AGBL2: variants seen among roughly 807,000 people sequenced by gnomAD.
The protein encoded by AGBL2 is cytosolic carboxypeptidase 2.
Under a neutral mutation model 103.0 loss-of-function variants are expected in AGBL2, and 87 were observed. That is an observed-to-expected ratio of 0.84 (90% CI 0.71 to 1.01). The LOEUF is 1.01. AGBL2 is among the 50% of genes least tolerant of loss of function. The pLI is 0.00. For synonymous variants in AGBL2, 335 were observed against 356.7 expected (o/e 0.94, Z 0.69); for missense variants, 904 against 1,023.5 (o/e 0.88, Z 1.59).
intron 8 of AGBL2, among the ~76,000 whole-genome samples, chr11:47,698,432 AAAGTGCTGGGATT>A (rs2097485438): frequency 6.6e-6 from 1 of 152,190 alleles, no homozygotes; most frequent in Non-Finnish European, 1.5e-5. Flanking sequence ...TCGGCCTCCC[AAAGTGCTGGGATT>A]ATAGGCGTGA....
Position 47,682,026 on chromosome 11 carries a change from G to A in AGBL2, c.1858C>T (p.Arg620Trp), listed in dbSNP as rs150240657. ...KEGTGRVVMW[R>W]MGILNSYTME... Reference sequence around the variant, plus strand: ...GTGTAGCTGTTTAGGATTCCCATCCGCCACATAACAACTCGTCCTGTTCCT... The same window carrying A: ...GTGTAGCTGTTTAGGATTCCCATCCACCACATAACAACTCGTCCTGTTCCT... The change falls in exon 12 of 19, where the codon CGG (arginine) becomes TGG (tryptophan). Residue 620 changes from arginine (R) to tryptophan (W), a missense_variant. Transcript: ENST00000525123. 108 of 1,614,072 alleles carry A rather than the reference G, an allele frequency of 6.7e-5. No homozygotes were observed. In the African/African-American group the frequency reaches 1.0e-3, roughly 16 times the overall value.
At chr11:47,707,892 T>G (rs1012963620) in intron 4 of AGBL2, among the ~76,000 whole-genome samples, 3 of 152,094 alleles carry the variant, frequency 2.0e-5, no homozygotes, top group Non-Finnish European at 4.4e-5. Flanking sequence ...TTCATGTCTT[T>G]TACTCATTTT....
intron 14 of AGBL2, among the ~76,000 whole-genome samples, chr11:47,675,044 A>T (rs12365079): frequency 0.22 from 33,462 of 151,284 alleles, 4,714 homozygotes; most frequent in South Asian, 0.46. Flanking sequence ...TAGGTTTTTT[A>T]AAAAATCACT....
chr11:47,713,020 C>T (rs1017963959), intron 3 of AGBL2, among the ~76,000 whole-genome samples: 20 of 150,946 alleles, frequency 1.3e-4, no homozygotes, highest in African/African-American at 4.9e-4. Context: ...CCAGCCTGGG[C>T]AACAAGAGCA....
chr11:47,681,011 T>C (rs1045095790), intron 12 of AGBL2, among the ~76,000 whole-genome samples: 6 of 152,088 alleles, frequency 3.9e-5, no homozygotes, highest in Non-Finnish European at 7.3e-5. Context: ...GTACCTACAA[T>C]GCAAGTACTA....
intron 12 of AGBL2, 69 bp from the exon 13 acceptor site, chr11:47,680,142 T>A: frequency 9.3e-7 from 1 of 1,079,818 alleles, no homozygotes. Flanking sequence ...ATCTAATTTA[T>A]GATTATCTTT....
At chr11:47,694,496 A>G (rs2097459633) in intron 8 of AGBL2, among the ~76,000 whole-genome samples, 1 of 152,064 alleles carries the variant, frequency 6.6e-6, no homozygotes, top group Admixed American at 6.6e-5. Flanking sequence ...CTTTCTCCTC[A>G]GCTTCTTTCC....
rs527947358 is a variant in AGBL2, at chr11:47,714,691, T to C, written c.-41A>G. On this transcript the variant is annotated 5_prime_UTR_variant, in exon 2 of 19. Transcript: ENST00000525123. Reference sequence around the variant, plus strand: ...TAGGCTGAAAACTAGTCAGTGACATTAGCATCCAGTCGCAAACCCTGCCCA... The same window carrying C: ...TAGGCTGAAAACTAGTCAGTGACATCAGCATCCAGTCGCAAACCCTGCCCA... 22 of 1,604,602 alleles carry C rather than the reference T, an allele frequency of 1.4e-5. No individual in the cohort carries two copies. The South Asian group carries it at 1.8e-4, about 13-fold the overall frequency.
chr11:47,692,818 C>G (rs541903201), intron 8 of AGBL2, among the ~76,000 whole-genome samples: 1 of 151,054 alleles, frequency 6.6e-6, no homozygotes, highest in South Asian at 2.1e-4. Flanking sequence ...TTGATTTATC[C>G]CTATGTTTTC....
chr11:47,711,873 T>C (rs2097537309), intron 3 of AGBL2, among the ~76,000 whole-genome samples: 1 of 152,118 alleles, frequency 6.6e-6, no homozygotes, highest in African/African-American at 2.4e-5. Context: ...AAAAATTGTA[T>C]GATGACCAGC....
chr11:47,674,372 T>A (rs1436451898), intron 14 of AGBL2, among the ~76,000 whole-genome samples: 1 of 151,862 alleles, frequency 6.6e-6, no homozygotes, highest in Non-Finnish European at 1.5e-5. Flanking sequence ...GACCAGCCTA[T>A]CCTAGGCAAC....
chr11:47,663,456 T>C (rs919500264), intron 17 of AGBL2, among the ~76,000 whole-genome samples: 1 of 152,210 alleles, frequency 6.6e-6, no homozygotes, highest in Non-Finnish European at 1.5e-5. Context: ...GGGCTGAAAT[T>C]TGAACTCAAG....
At position 47,663,006 on chromosome 11, in the gene AGBL2, C is replaced by CAGTA. The variant is rs2097332047; in HGVS notation, c.2535+16_2535+19dup. ...TTAATCACTGGCATATAAGTATATA[C>CAGTA]AGTATATTAGGTGAAGTACCTGCAT... On this transcript the variant is annotated intron_variant, in intron 18 of 18. Transcript: ENST00000525123. 6.5e-7 allele frequency: 1 copy of CAGTA among 1,542,572 alleles called. No homozygotes were observed. Among genetic ancestry groups the CAGTA allele is most frequent in the African/African-American group, 1.4e-5 (1 of 72,746 alleles).
intron 8 of AGBL2, among the ~76,000 whole-genome samples, chr11:47,697,154 C>G (rs933222084): frequency 4.6e-5 from 7 of 152,098 alleles, no homozygotes; most frequent in Admixed American, 2.0e-4. Context: ...GTCTCACACT[C>G]CTGATCTCAA....
At chr11:47,698,678 G>A (rs1470788446) in intron 8 of AGBL2, among the ~76,000 whole-genome samples, 1 of 151,846 alleles carries the variant, frequency 6.6e-6, no homozygotes, top group South Asian at 2.1e-4. Flanking sequence ...GATATGTTAT[G>A]GTTTTATTTT....
At chr11:47,696,023 A>G (rs1350271668) in intron 8 of AGBL2, among the ~76,000 whole-genome samples, 58 of 32,558 alleles carry the variant, frequency 1.8e-3, no homozygotes, top group Non-Finnish European at 2.9e-3. Context: ...AAAAAAAAAA[A>G]AAAAAAAAAA....
chr11:47,710,084 T>C (rs2097532647), intron 4 of AGBL2: 2 of 273,736 alleles, frequency 7.3e-6, no homozygotes, highest in East Asian at 1.4e-4. Context: ...AGCTGGGGTT[T>C]TGCCATGCTG....
chr11:47,686,156 C>A, intron 10 of AGBL2, 107 bp from the exon 11 acceptor site: 1 of 1,170,136 alleles, frequency 8.5e-7, no homozygotes. Context: ...ACTTTCCCTC[C>A]TAAGAAAATC....
In AGBL2 at chr11:47,704,703, A is replaced by G; in HGVS notation, c.426T>C (p.His142=). 7 of 1,614,108 alleles carry G rather than the reference A, an allele frequency of 4.3e-6. No individual in the cohort carries two copies. The highest frequency in any genetic ancestry group is 5.9e-6 in the Non-Finnish European group (7 of 1,180,016). The change falls in exon 7 of 19, where the codon CAT becomes CAC. Residue 142 remains histidine, a synonymous_variant. Coordinates refer to ENST00000525123, the MANE Select transcript of AGBL2 (RefSeq NM_024783.4). ...CATAAAGAAGCTGTCTGCTCCTAAG[A>G]TGTGGTAAACTCAGCATATGTGAAT... ...ITDSHMLSLP[H]LRSRQLLYDE... is the part of the protein sequence containing the mutation.
Sources: gnomAD v4.1 joint callset for allele counts (sites outside exome capture counted in the v4.1 genomes callset) on GRCh38, gnomAD v4.1.1 for gene constraint, MANE v1.5 for transcripts, NCBI Gene and HGNC (gene_info 2026-07-23, HGNC 2026-07-21) for gene names.